The following CNTN5 variants were observed in gnomAD, a reference collection of about 807,000 sequenced individuals.
CNTN5 encodes the protein contactin-5.
A neutral mutation model predicts 129.1 loss-of-function variants in CNTN5; 77 were observed. The ratio of observed to expected loss-of-function variants is 0.60; its 90% CI spans 0.50 to 0.72. The LOEUF (loss-of-function observed/expected upper bound fraction) is 0.72, where lower values mean the gene tolerates loss of function less well. CNTN5 is among the 30% of genes least tolerant of loss of function. CNTN5 has a pLI of 0.00. For synonymous variants in CNTN5, 509 were observed against 465.6 expected, an observed-to-expected ratio of 1.09 and a Z score of -1.20; for missense variants, 1,478 against 1,328.8, an observed-to-expected ratio of 1.11 and a Z score of -1.75.
chr11:99,590,319 A>T (rs985574039), intron 3 of CNTN5, among the ~76,000 whole-genome samples: 1 of 152,218 alleles, frequency 6.6e-6, no homozygotes, highest in Non-Finnish European at 1.5e-5. Context: ...GATGTCAGAG[A>T]TTAATGCAAA....
At chr11:99,924,089 A>G (rs1182682094) in intron 7 of CNTN5, among the ~76,000 whole-genome samples, 2 of 152,102 alleles carry the variant, frequency 1.3e-5, no homozygotes, top group Admixed American at 1.3e-4. Flanking sequence ...CACACCCGGC[A>G]TCTATTATTT....
At chr11:100,172,020 T>G (rs923629904) in intron 13 of CNTN5, among the ~76,000 whole-genome samples, 3 of 152,056 alleles carry the variant, frequency 2.0e-5, no homozygotes, top group Admixed American at 6.6e-5. Flanking sequence ...ACACATACTG[T>G]AGTACCATAT....
At chr11:99,992,187 CAGG>C (rs1236836240) in intron 8 of CNTN5, among the ~76,000 whole-genome samples, 1 of 152,182 alleles carries the variant, frequency 6.6e-6, no homozygotes, top group African/African-American at 2.4e-5. Context: ...GTTTACTGGA[CAGG>C]AGTTCTTAAC....
At chr11:99,639,130 A>G (rs887907785) in intron 3 of CNTN5, among the ~76,000 whole-genome samples, 5 of 152,200 alleles carry the variant, frequency 3.3e-5, no homozygotes, top group Admixed American at 1.3e-4. Context: ...CTTCAGGCTC[A>G]AGACCACGTG....
At chr11:100,258,982 T>G (rs1299937465) in intron 17 of CNTN5, among the ~76,000 whole-genome samples, 2 of 152,150 alleles carry the variant, frequency 1.3e-5, no homozygotes, top group Non-Finnish European at 2.9e-5. Flanking sequence ...AATGCCCCAG[T>G]TAAAAGACAC....
chr11:100,232,385 AG>A, intron 16 of CNTN5, among the ~76,000 whole-genome samples: 1 of 152,310 alleles, frequency 6.6e-6, no homozygotes, highest in South Asian at 2.1e-4. Flanking sequence ...GTCAAAACCA[AG>A]TGAAATACGA....
chr11:100,304,849 AT>A (rs140661506), intron 20 of CNTN5, among the ~76,000 whole-genome samples: 2,008 of 151,012 alleles, frequency 0.013, 47 homozygotes, highest in African/African-American at 0.046. Context: ...TAGTAGTAAT[AT>A]GGTTGTTGGG....
chr11:100,334,824 A>G (rs1951995452), intron 21 of CNTN5, among the ~76,000 whole-genome samples: 1 of 152,166 alleles, frequency 6.6e-6, no homozygotes, highest in Non-Finnish European at 1.5e-5. Context: ...CATTGGGTGC[A>G]GTATACACTG....
chr11:99,525,342 C>T (rs886997991), intron 2 of CNTN5, among the ~76,000 whole-genome samples: 12 of 152,146 alleles, frequency 7.9e-5, no homozygotes, highest in African/African-American at 2.9e-4. Flanking sequence ...CTTCCAGGTG[C>T]TGCTATATCT....
chr11:99,908,724 A>G (rs1308407836), intron 6 of CNTN5, among the ~76,000 whole-genome samples: 1 of 152,084 alleles, frequency 6.6e-6, no homozygotes, highest in East Asian at 1.9e-4. Context: ...CATGAAATAC[A>G]GGAGAAAAGA....
At chr11:100,085,026 C>T (rs1011035287) in intron 13 of CNTN5, among the ~76,000 whole-genome samples, 2 of 151,962 alleles carry the variant, frequency 1.3e-5, no homozygotes, top group African/African-American at 4.8e-5. Flanking sequence ...AGTTTAGAAG[C>T]TTATATATCC....
At chr11:99,433,371 ATGTGTGTGTGTG>A (rs1555143806) in intron 2 of CNTN5, among the ~76,000 whole-genome samples, 1 of 140,840 alleles carries the variant, frequency 7.1e-6, no homozygotes, top group Non-Finnish European at 1.5e-5. Context: ...TAAAAAAAAA[ATGTGTGTGTGTG>A]TGTGTGTGTG....
At chr11:99,693,640 C>T (rs1024033785) in intron 3 of CNTN5, among the ~76,000 whole-genome samples, 1 of 152,020 alleles carries the variant, frequency 6.6e-6, no homozygotes, top group Non-Finnish European at 1.5e-5. Context: ...TCTCTGCAAA[C>T]ATAATACCCA....
chr11:99,851,788 T>A (rs1364197031), intron 6 of CNTN5, among the ~76,000 whole-genome samples: 1 of 152,198 alleles, frequency 6.6e-6, no homozygotes, highest in Non-Finnish European at 1.5e-5. Flanking sequence ...ATTATATGAC[T>A]TTTTAGGCTT....
intron 10 of CNTN5, among the ~76,000 whole-genome samples, chr11:100,066,318 A>G (rs778434275): frequency 6.6e-6 from 1 of 152,088 alleles, no homozygotes; most frequent in African/African-American, 2.4e-5. Flanking sequence ...ATTACCTCTC[A>G]TTGGCCTACA....
chr11:99,232,717 T>C (rs1861066771), intron 1 of CNTN5, among the ~76,000 whole-genome samples: 1 of 152,214 alleles, frequency 6.6e-6, no homozygotes, highest in Admixed American at 6.5e-5. Flanking sequence ...TTTTATAATT[T>C]CAATTAGTAA....
chr11:99,987,465 ATTTC>A (rs1938760281), intron 8 of CNTN5, among the ~76,000 whole-genome samples: 2 of 150,912 alleles, frequency 1.3e-5, no homozygotes, highest in Admixed American at 6.6e-5. Context: ...TTTTATATAT[ATTTC>A]TTTCTCCATA....
intron 13 of CNTN5, among the ~76,000 whole-genome samples, chr11:100,082,282 T>C (rs2059017): frequency 0.43 from 65,703 of 151,916 alleles, 14,314 homozygotes; most frequent in East Asian, 0.57. Context: ...GTAGAAGCAT[T>C]GTAGGTTTGC....
chr11:99,913,632 C>G (rs1413284585), intron 6 of CNTN5, among the ~76,000 whole-genome samples: 1 of 152,000 alleles, frequency 6.6e-6, no homozygotes, highest in Admixed American at 6.6e-5. Flanking sequence ...TCATTGGGAT[C>G]TCAAAACACA....
Sources: gnomAD v4.1 joint callset for allele counts (sites outside exome capture counted in the v4.1 genomes callset) on GRCh38, gnomAD v4.1.1 for gene constraint, MANE v1.5 for transcripts, NCBI Gene and HGNC (gene_info 2026-07-23, HGNC 2026-07-21) for gene names.